FOXN3: variants seen among roughly 807,000 people sequenced by gnomAD.
The protein encoded by FOXN3 is forkhead box N3.
In FOXN3, 7 loss-of-function variants were observed where a neutral mutation model predicts 38.4. That is an observed-to-expected ratio of 0.18 (90% CI 0.10 to 0.34). FOXN3 has a LOEUF of 0.34. Among genes scored for constraint, FOXN3 ranks in the 10% least tolerant of loss-of-function variants. FOXN3 has a pLI of 1.00. For missense variants in FOXN3, 456 were observed against 613.4 expected (o/e 0.74, Z 2.71); for synonymous variants, 230 against 242.2 (o/e 0.95, Z 0.47).
rs112397310 is a variant in FOXN3, at chr14:89,426,155, C to A, written c.-14-13665G>T. Among the ~76,000 whole-genome samples the A allele has an allele frequency of 4.5e-3, 681 of 151,294 alleles. 6 individuals carry two copies. The highest frequency in any genetic ancestry group is 0.016 in the African/African-American group (653 of 41,194). On this transcript the variant is annotated intron_variant, in intron 1 of 6. Coordinates refer to the FOXN3 transcript ENST00000345097. ...TTGTTCACCCTCAGCTGGGAACGTG[C>A]ACACTGAATGACTCATTTGTACGTG... is the stretch of plus-strand genomic sequence containing the variant.
chr14:89,243,866 C>T (rs1397857874), intron 4 of FOXN3, among the ~76,000 whole-genome samples: 3 of 152,186 alleles, frequency 2.0e-5, no homozygotes, highest in Admixed American at 6.5e-5. Flanking sequence ...GTCTGCATCG[C>T]GCCCGCCAAT....
chr14:89,456,283 C>T (rs1317079452), intron 1 of FOXN3, among the ~76,000 whole-genome samples: 1 of 152,028 alleles, frequency 6.6e-6, no homozygotes, highest in Non-Finnish European at 1.5e-5. Context: ...CCAACGTGCC[C>T]CTACTCTCCT....
At chr14:89,253,359 C>T (rs1885519894) in intron 4 of FOXN3, among the ~76,000 whole-genome samples, 1 of 152,154 alleles carries the variant, frequency 6.6e-6, no homozygotes, top group South Asian at 2.1e-4. Flanking sequence ...CCAGGGCCAG[C>T]ACGTCTTTGC....
chr14:89,540,004 G>A (rs143556596), intron 1 of FOXN3, among the ~76,000 whole-genome samples: 2 of 152,280 alleles, frequency 1.3e-5, no homozygotes, highest in African/African-American at 4.8e-5. Flanking sequence ...AGTGCCCTCG[G>A]CTGTTTCTAC....
At chr14:89,312,427 C>CT (rs1307707508) in intron 3 of FOXN3, among the ~76,000 whole-genome samples, 1 of 151,936 alleles carries the variant, frequency 6.6e-6, no homozygotes, top group African/African-American at 2.4e-5. Flanking sequence ...AAAAAAATCT[C>CT]TATCAATTGG....
At chr14:89,238,390 A>G (rs956312266) in intron 4 of FOXN3, among the ~76,000 whole-genome samples, 1 of 152,228 alleles carries the variant, frequency 6.6e-6, no homozygotes, top group African/African-American at 2.4e-5. Context: ...CTGATCTTCA[A>G]ATTATGTTTT....
chr14:89,260,452 C>A (rs924012100), intron 4 of FOXN3, among the ~76,000 whole-genome samples: 2 of 152,218 alleles, frequency 1.3e-5, no homozygotes, highest in Non-Finnish European at 2.9e-5. Context: ...GAGGGGCTCT[C>A]TCTTCTTAGC....
chr14:89,333,466 A>G (rs956827098), intron 3 of FOXN3, among the ~76,000 whole-genome samples: 6 of 150,608 alleles, frequency 4.0e-5, no homozygotes, highest in African/African-American at 1.5e-4. Flanking sequence ...AACAGTATGG[A>G]GGTTCCTTAG....
intron 1 of FOXN3, among the ~76,000 whole-genome samples, chr14:89,568,603 C>T (rs1204797707): frequency 2.6e-5 from 4 of 152,196 alleles, no homozygotes; most frequent in Admixed American, 6.5e-5. Context: ...ACATTTGCGT[C>T]CTTTCTTGCT....
In FOXN3 at chr14:89,156,377, G is replaced by A. The variant is rs764226045; in HGVS notation, c.*6037C>T. ...AAGCAACACCAAGTCCCTAGAGTTC[G>A]GCTGATCGCGCCTGCCTCCACACTG... On this transcript the variant is annotated 3_prime_UTR_variant, in exon 6 of 6. Transcript: ENST00000557258. 11 of 152,586 alleles carry A rather than the reference G, an allele frequency of 7.2e-5. No homozygotes were observed. Among genetic ancestry groups the A allele is most frequent in the Admixed American group, 2.6e-4 (4 of 15,268 alleles). 9.5% of individuals were successfully genotyped at this position (152,586 alleles called of 1,614,324 possible). A position where few individuals can be genotyped will look rare whatever the true frequency, so the allele number is the denominator to read the frequency against.
intron 3 of FOXN3, among the ~76,000 whole-genome samples, chr14:89,301,654 G>C (rs1030696528): frequency 2.0e-5 from 3 of 152,040 alleles, no homozygotes; most frequent in African/African-American, 7.2e-5. Flanking sequence ...TGTAATCCCA[G>C]CTGCTTGGGA....
At chr14:89,316,226 ATG>A (rs919733992) in intron 3 of FOXN3, among the ~76,000 whole-genome samples, 5 of 152,174 alleles carry the variant, frequency 3.3e-5, no homozygotes, top group African/African-American at 1.2e-4. Context: ...TTCCTGAAGG[ATG>A]TGAGACCCCA....
At chr14:89,388,370 A>G (rs992969485) in intron 2 of FOXN3, among the ~76,000 whole-genome samples, 3 of 152,190 alleles carry the variant, frequency 2.0e-5, no homozygotes, top group Admixed American at 2.0e-4. Context: ...CCTGCAACTC[A>G]GGGATGGAAG....
At chr14:89,338,354 A>G (rs556770714) in intron 3 of FOXN3, among the ~76,000 whole-genome samples, 3 of 152,368 alleles carry the variant, frequency 2.0e-5, no homozygotes, top group African/African-American at 7.2e-5. Context: ...ATATATTTTG[A>G]ATAACACCTA....
At chr14:89,425,444 C>T (rs1459806393) in intron 1 of FOXN3, among the ~76,000 whole-genome samples, 3 of 151,850 alleles carry the variant, frequency 2.0e-5, no homozygotes, top group East Asian at 1.9e-4. Context: ...CTCGGCTCAC[C>T]GCGACCTCTG....
chr14:89,360,762 A>AGCACTACCTCCACCACCACCT (rs1889491407), intron 2 of FOXN3, among the ~76,000 whole-genome samples: 1 of 60,820 alleles, frequency 1.6e-5, no homozygotes, highest in African/African-American at 9.5e-5. Context: ...CACCACCTCC[A>AGCACTACCTCCACCACCACCT]CCACTACCAC....
chr14:89,591,397 T>C (rs1895947066), intron 1 of FOXN3, among the ~76,000 whole-genome samples: 1 of 152,142 alleles, frequency 6.6e-6, no homozygotes, highest in Admixed American at 6.5e-5. Flanking sequence ...AGGAGATTCT[T>C]CTCTGAGAAG....
chr14:89,591,089 G>C (rs1354161153), intron 1 of FOXN3, among the ~76,000 whole-genome samples: 1 of 152,178 alleles, frequency 6.6e-6, no homozygotes, highest in Non-Finnish European at 1.5e-5. Flanking sequence ...AACTAAATTT[G>C]ATATGGCTTA....
intron 1 of FOXN3, among the ~76,000 whole-genome samples, chr14:89,472,521 C>T (rs1021702475): frequency 6.6e-6 from 1 of 152,018 alleles, no homozygotes; most frequent in Non-Finnish European, 1.5e-5. Context: ...GAGATCGAGA[C>T]CACCTTGGCT....
Sources: gnomAD v4.1 joint callset for allele counts (sites outside exome capture counted in the v4.1 genomes callset) on GRCh38, gnomAD v4.1.1 for gene constraint, MANE v1.5 for transcripts, NCBI Gene and HGNC (gene_info 2026-07-23, HGNC 2026-07-21) for gene names.